TRIM55: variants seen among roughly 807,000 people sequenced by gnomAD.
TRIM55 encodes the protein tripartite motif containing 55.
Under a neutral mutation model 60.9 loss-of-function variants are expected in TRIM55, and 50 were observed. That is an observed-to-expected ratio of 0.82 (90% CI 0.65 to 1.04). TRIM55 has a LOEUF of 1.04. Ranked by LOEUF, TRIM55 falls within the 50% of genes least tolerant of loss-of-function variation. The pLI is 0.00. For synonymous variants in TRIM55, 237 were observed against 238.1 expected, an observed-to-expected ratio of 1.00 and a Z score of 0.04; for missense variants, 681 against 666.9, an observed-to-expected ratio of 1.02 and a Z score of -0.23.
intron 9 of TRIM55, among the ~76,000 whole-genome samples, chr8:66,167,290 G>T (rs1811380621): frequency 1.3e-5 from 2 of 152,036 alleles, no homozygotes; most frequent in Admixed American, 1.3e-4. Flanking sequence ...CAACCTGTTG[G>T]GTCTGTTTGC....
chr8:66,145,128 T>A (rs1289935168), intron 4 of TRIM55, among the ~76,000 whole-genome samples: 1 of 152,194 alleles, frequency 6.6e-6, no homozygotes. Context: ...AGCACTTTGA[T>A]GGTCTTGAAG....
chr8:66,128,982 T>C (rs1463729705), intron 2 of TRIM55, among the ~76,000 whole-genome samples: 1 of 152,190 alleles, frequency 6.6e-6, no homozygotes, highest in East Asian at 1.9e-4. Flanking sequence ...ACATAGGTTG[T>C]CACTGTATTT....
chr8:66,115,777 G>A, the TRIM55 span, among the ~76,000 whole-genome samples: 32 of 152,248 alleles, frequency 2.1e-4, no homozygotes, highest in South Asian at 5.6e-3. Flanking sequence ...TTGACATTTC[G>A]GTGCTTCAGT....
chr8:66,131,663 T>C (rs907997840), intron 2 of TRIM55, among the ~76,000 whole-genome samples: 1 of 152,176 alleles, frequency 6.6e-6, no homozygotes, highest in Non-Finnish European at 1.5e-5. Context: ...GTCCTCCTCT[T>C]TTCAGCCTCT....
intron 4 of TRIM55, among the ~76,000 whole-genome samples, chr8:66,144,146 G>C (rs1017271517): frequency 6.6e-6 from 1 of 152,236 alleles, no homozygotes; most frequent in African/African-American, 2.4e-5. Flanking sequence ...TTCAACAATG[G>C]CTTTAGGTCA....
At chr8:66,141,039 G>T (rs1164507937) in intron 4 of TRIM55, among the ~76,000 whole-genome samples, 3 of 152,134 alleles carry the variant, frequency 2.0e-5, no homozygotes, top group Non-Finnish European at 4.4e-5. Context: ...TGCTTTCCTT[G>T]CACATGTCTA....
intron 9 of TRIM55, among the ~76,000 whole-genome samples, chr8:66,156,491 G>A (rs1810747805): frequency 6.6e-6 from 1 of 152,094 alleles, no homozygotes; most frequent in African/African-American, 2.4e-5. Flanking sequence ...TATGAGGTTT[G>A]CTTGAGGACT....
chr8:66,134,854 T>TG, intron 2 of TRIM55, 136 bp from the exon 3 acceptor site: 1 of 913,324 alleles, frequency 1.1e-6, no homozygotes. Context: ...AAAGGGCCCC[T>TG]GGGGGTCTTC....
In TRIM55 at chr8:66,175,200, G is replaced by C. The variant is rs1446746928; in HGVS notation, c.*607G>C. On this transcript the variant is annotated 3_prime_UTR_variant, in exon 10 of 10. Transcript: ENST00000315962. ...ATGGTCCAGAAAGCTGAAGGCCTGG[G>C]CATCTCTTGTGACATTTTTCTAATA... 3 of 152,632 alleles carry C rather than the reference G, an allele frequency of 2.0e-5. No homozygotes were observed. The highest frequency in any genetic ancestry group is 2.9e-5 in the Non-Finnish European group (2 of 68,052). 9.5% of individuals were successfully genotyped at this position (152,632 alleles called of 1,614,324 possible).
the TRIM55 span, among the ~76,000 whole-genome samples, chr8:66,114,179 G>C: frequency 1.5e-4 from 23 of 149,544 alleles, no homozygotes; most frequent in South Asian, 2.1e-4. Context: ...AATAAGCCGT[G>C]CCCAGCCGTG....
intron 4 of TRIM55, among the ~76,000 whole-genome samples, chr8:66,147,752 G>A (rs557593470): frequency 1.2e-4 from 16 of 136,816 alleles, no homozygotes; most frequent in Non-Finnish European, 2.0e-4. Context: ...CCGAGATCGC[G>A]CCATTGCACT....
chr8:66,145,309 G>T (rs1415225524), intron 4 of TRIM55, among the ~76,000 whole-genome samples: 1 of 152,060 alleles, frequency 6.6e-6, no homozygotes, highest in Non-Finnish European at 1.5e-5. Context: ...TTCCAATTTC[G>T]TAATTCCAAA....
At chr8:66,159,818 T>C (rs374530038) in intron 9 of TRIM55, among the ~76,000 whole-genome samples, 2 of 152,348 alleles carry the variant, frequency 1.3e-5, no homozygotes, top group African/African-American at 4.8e-5. Flanking sequence ...TTTCTTGTGC[T>C]TATTGGTCAT....
chr8:66,162,271 G>A (rs1453605737), intron 9 of TRIM55, among the ~76,000 whole-genome samples: 1 of 152,140 alleles, frequency 6.6e-6, no homozygotes, highest in African/African-American at 2.4e-5. Flanking sequence ...CATCTGTTGA[G>A]ATGATCATGT....
At chr8:66,164,410 G>A (rs1811209765) in intron 9 of TRIM55, among the ~76,000 whole-genome samples, 1 of 152,156 alleles carries the variant, frequency 6.6e-6, no homozygotes, top group South Asian at 2.1e-4. Context: ...AATATCTCTT[G>A]TACATTTTCA....
At chr8:66,127,014 T>G (rs560797708), upstream of TRIM55, 2 of 367,398 alleles carry the variant, frequency 5.4e-6, no homozygotes, top group African/African-American at 4.1e-5. Flanking sequence ...TGTTGACTCC[T>G]GCTCTCCGTC....
At chr8:66,148,950 G>A (rs928595128) in intron 4 of TRIM55, among the ~76,000 whole-genome samples, 1 of 152,286 alleles carries the variant, frequency 6.6e-6, no homozygotes, top group East Asian at 1.9e-4. Context: ...TTGGGATGCT[G>A]AGGCAGGAGA....
intron 2 of TRIM55, among the ~76,000 whole-genome samples, chr8:66,132,592 C>T (rs561932061): frequency 6.6e-6 from 1 of 152,312 alleles, no homozygotes; most frequent in East Asian, 1.9e-4. Flanking sequence ...CTCAGTCTAG[C>T]CTACACTGAA....
upstream of TRIM55, among the ~76,000 whole-genome samples, chr8:66,124,246 T>C (rs1808737349): frequency 2.0e-5 from 3 of 152,184 alleles, no homozygotes; most frequent in Non-Finnish European, 4.4e-5. Context: ...CATGCTAATC[T>C]AACCCAATCA....
Sources: allele counts gnomAD v4.1 joint callset (sites outside exome capture counted in the v4.1 genomes callset), GRCh38; gene constraint gnomAD v4.1.1; transcripts MANE v1.5; gene names NCBI Gene and HGNC (gene_info 2026-07-23, HGNC 2026-07-21).